Variants in LRIF1 observed in about 807,000 individuals in gnomAD.
LRIF1 encodes ligand-dependent nuclear receptor-interacting factor 1.
LRIF1 carries 32 observed loss-of-function variants against 52.7 expected under a neutral mutation model. That is an observed-to-expected ratio of 0.61 (90% CI 0.46 to 0.82). The LOEUF (loss-of-function observed/expected upper bound fraction) is 0.82, where lower values mean the gene tolerates loss of function less well. LRIF1 is among the 40% of genes least tolerant of loss of function. The probability of loss-of-function intolerance (pLI) is 0.00; values close to 1 mark genes in which losing one functional copy is unlikely to be tolerated. For synonymous variants in LRIF1, 323 were observed against 317.4 expected (o/e 1.02, Z -0.19); for missense variants, 887 against 892.0 (o/e 0.99, Z 0.07).
At chr1:110,900,612 C>A in the LRIF1 span, among the ~76,000 whole-genome samples, 1 of 152,048 alleles carries the variant, frequency 6.6e-6, no homozygotes, top group African/African-American at 2.4e-5. Context: ...GGTGATCCAC[C>A]TGCTTCAGCC....
the LRIF1 span, among the ~76,000 whole-genome samples, chr1:110,910,735 C>A: frequency 6.6e-6 from 1 of 152,132 alleles, no homozygotes; most frequent in East Asian, 1.9e-4. Flanking sequence ...AATTAAACAA[C>A]CTGCTCCTGA....
chr1:110,934,139 T>C, the LRIF1 span, among the ~76,000 whole-genome samples: 14 of 152,138 alleles, frequency 9.2e-5, no homozygotes, highest in Admixed American at 4.6e-4. Flanking sequence ...CCTGGCAGCA[T>C]TCATCACCTG....
the LRIF1 span, among the ~76,000 whole-genome samples, chr1:110,926,692 A>G: frequency 6.6e-6 from 1 of 152,118 alleles, no homozygotes; most frequent in Non-Finnish European, 1.5e-5. Flanking sequence ...ATATGTATCA[A>G]TTACCTCTGC....
the LRIF1 span, among the ~76,000 whole-genome samples, chr1:110,896,391 C>T: frequency 6.6e-6 from 1 of 152,292 alleles, no homozygotes; most frequent in East Asian, 1.9e-4. Flanking sequence ...CTCCATTATG[C>T]AGTCCCTGGG....
the LRIF1 span, chr1:110,899,216 AAG>A: frequency 6.4e-6 from 10 of 1,570,282 alleles, no homozygotes; most frequent in East Asian, 2.2e-4. Flanking sequence ...TCCTGTGGTG[AAG>A]AGACTTGTTT....
At chr1:110,925,544 C>A in the LRIF1 span, among the ~76,000 whole-genome samples, 10 of 152,172 alleles carry the variant, frequency 6.6e-5, no homozygotes, top group African/African-American at 2.4e-4. Flanking sequence ...AAACATCATT[C>A]TTCATGGGGA....
the LRIF1 span, chr1:110,897,750 T>C: frequency 9.7e-7 from 1 of 1,028,084 alleles, no homozygotes; most frequent in Non-Finnish European, 1.5e-6. Context: ...TTCCAAATAC[T>C]TCCTCTTGAT....
the LRIF1 span, among the ~76,000 whole-genome samples, chr1:110,889,951 A>G: frequency 1.3e-5 from 2 of 152,238 alleles, no homozygotes; most frequent in Non-Finnish European, 2.9e-5. Context: ...AGGGGAAAAG[A>G]GCACAAAGTA....
At chr1:110,946,109 G>T (rs546945390), downstream of LRIF1, among the ~76,000 whole-genome samples, 1 of 152,078 alleles carries the variant, frequency 6.6e-6, no homozygotes, top group Non-Finnish European at 1.5e-5. Context: ...TATTCATAAC[G>T]AATGGATAAA....
At chr1:110,897,859 C>A in the LRIF1 span, 1 of 1,611,420 alleles carries the variant, frequency 6.2e-7, no homozygotes, top group Non-Finnish European at 8.5e-7. Flanking sequence ...TCCTGTATAT[C>A]GGAATCATCA....
chr1:110,883,229 T>C, the LRIF1 span, among the ~76,000 whole-genome samples: 1 of 152,124 alleles, frequency 6.6e-6, no homozygotes, highest in South Asian at 2.1e-4. Context: ...GCATAAGCGT[T>C]CTTCTATTCC....
At chr1:110,941,825 C>A in the LRIF1 span, 1 of 152,042 alleles carries the variant, frequency 6.6e-6, no homozygotes, top group Non-Finnish European at 1.5e-5. Flanking sequence ...TGTACTTCAT[C>A]CTTGCTAACC....
In LRIF1 at chr1:110,963,847, G is replaced by C. The variant is rs1453128405; in HGVS notation, c.-159C>G. 2.7e-5 allele frequency: 15 copies of C among 558,712 alleles called. No individual in the cohort carries two copies. Among genetic ancestry groups the C allele is most frequent in the Non-Finnish European group, 4.9e-5 (15 of 305,644 alleles). 34.6% of individuals were successfully genotyped at this position (558,712 alleles called of 1,614,324 possible). ...TAACGGAGGGCGACAGCGGGCTCTC[G>C]AGAGGGTGTATCCCCAGGCTTCGGG... On this transcript the variant is annotated 5_prime_UTR_variant, in exon 1 of 4. Coordinates refer to ENST00000369763, the MANE Select transcript of LRIF1 (RefSeq NM_018372.4).
the LRIF1 span, among the ~76,000 whole-genome samples, chr1:110,876,104 G>A: frequency 6.6e-6 from 1 of 152,162 alleles, no homozygotes; most frequent in Non-Finnish European, 1.5e-5. Context: ...TACTTCAAGC[G>A]AAGTTAGAGA....
the LRIF1 span, among the ~76,000 whole-genome samples, chr1:110,933,849 C>G: frequency 6.6e-6 from 1 of 152,120 alleles, no homozygotes. Flanking sequence ...TATGGAGACA[C>G]CAGCTGGGGT....
the LRIF1 span, among the ~76,000 whole-genome samples, chr1:110,879,534 T>C: frequency 2.0e-5 from 3 of 152,204 alleles, no homozygotes; most frequent in African/African-American, 7.2e-5. Flanking sequence ...CAGTGCACAT[T>C]AGCATATAAC....
At chr1:110,894,897 T>G in the LRIF1 span, 1 of 1,263,882 alleles carries the variant, frequency 7.9e-7, no homozygotes. Context: ...TACTGGAAAT[T>G]CCTTATTCCT....
In LRIF1 at chr1:110,952,635, C is replaced by A. The variant is rs1360100746; in HGVS notation, c.249G>T (p.Gln83His). The A allele has an allele frequency of 6.2e-7, 1 of 1,614,044 alleles. No individual in the cohort carries two copies. Among genetic ancestry groups the A allele is most frequent in the Non-Finnish European group, 8.5e-7 (1 of 1,179,968 alleles). Residue 83 changes from glutamine to histidine, a missense_variant, in exon 2 of 4, where the codon CAG becomes CAT. Transcript: ENST00000369763. ...ATGCACTTGTGGAAGAGCTGGAAAT[C>A]TGAGTCTGAAAAGTAACTTGAACTG... ...GKPVQVTFQT[Q>H]ISSSSTSASV...
chr1:110,889,328 G>A, the LRIF1 span, among the ~76,000 whole-genome samples: 1 of 151,882 alleles, frequency 6.6e-6, no homozygotes, highest in Non-Finnish European at 1.5e-5. Flanking sequence ...AGGCTGAGAC[G>A]GGTAGATCAC....
Sources: gnomAD v4.1 joint callset for allele counts (sites outside exome capture counted in the v4.1 genomes callset) on GRCh38, gnomAD v4.1.1 for gene constraint, MANE v1.5 for transcripts, NCBI Gene and HGNC (gene_info 2026-07-23, HGNC 2026-07-21) for gene names.